ABTB3: variants seen among roughly 807,000 people sequenced by gnomAD.
ABTB3 encodes the protein ankyrin repeat and BTB domain containing 3, also known as ankyrin repeat- and BTB/POZ domain-containing protein 3.
chr12:107,393,018 G>A, the ABTB3 span, among the ~76,000 whole-genome samples: 1 of 152,122 alleles, frequency 6.6e-6, no homozygotes, highest in African/African-American at 2.4e-5. Flanking sequence ...AACCATCACT[G>A]GTGAGGTGAA....
the ABTB3 span, among the ~76,000 whole-genome samples, chr12:107,648,040 T>G: frequency 6.6e-6 from 1 of 152,124 alleles, no homozygotes; most frequent in East Asian, 1.9e-4. Flanking sequence ...CCCACACAGC[T>G]GCCTTAGAGC....
chr12:107,441,707 G>A, the ABTB3 span, among the ~76,000 whole-genome samples: 686 of 149,236 alleles, frequency 4.6e-3, 3 homozygotes, highest in African/African-American at 9.9e-3. Context: ...GGATACCAAG[G>A]TAGGAGGATC....
the ABTB3 span, among the ~76,000 whole-genome samples, chr12:107,336,498 C>A: frequency 6.6e-6 from 1 of 152,150 alleles, no homozygotes; most frequent in African/African-American, 2.4e-5. Flanking sequence ...AGCATGGTAA[C>A]CTCATAGGAG....
the ABTB3 span, among the ~76,000 whole-genome samples, chr12:107,557,914 C>A: frequency 1.3e-5 from 2 of 152,164 alleles, no homozygotes; most frequent in African/African-American, 4.8e-5. Context: ...CAGCCCTTTG[C>A]CAGGGAGGGG....
At chr12:107,420,729 C>G in the ABTB3 span, among the ~76,000 whole-genome samples, 1 of 152,184 alleles carries the variant, frequency 6.6e-6, no homozygotes, top group African/African-American at 2.4e-5. Context: ...ATCACAAGCT[C>G]ATCACTGCCT....
At chr12:107,477,617 T>A in the ABTB3 span, among the ~76,000 whole-genome samples, 1 of 152,328 alleles carries the variant, frequency 6.6e-6, no homozygotes, top group African/African-American at 2.4e-5. Flanking sequence ...TTTTATTTTA[T>A]GCTAGTTTAT....
the ABTB3 span, among the ~76,000 whole-genome samples, chr12:107,407,222 G>T: frequency 1.3e-5 from 2 of 152,208 alleles, no homozygotes; most frequent in African/African-American, 4.8e-5. Context: ...AGGCTTCAAT[G>T]TAATAATGCA....
chr12:107,358,235 G>T, the ABTB3 span, among the ~76,000 whole-genome samples: 1 of 152,178 alleles, frequency 6.6e-6, no homozygotes, highest in African/African-American at 2.4e-5. Flanking sequence ...ATGAACCAGG[G>T]AATGAGGATA....
At chr12:107,657,889 G>T in the ABTB3 span, 5 of 664,552 alleles carry the variant, frequency 7.5e-6, no homozygotes, top group Non-Finnish European at 1.3e-5. Flanking sequence ...CCACTGGTCT[G>T]CAGATCAGAT....
At chr12:107,571,427 C>A in the ABTB3 span, among the ~76,000 whole-genome samples, 1 of 152,212 alleles carries the variant, frequency 6.6e-6, no homozygotes, top group Non-Finnish European at 1.5e-5. Flanking sequence ...CTGCCTTTTG[C>A]TACTTTTTAT....
At chr12:107,449,580 TC>T in the ABTB3 span, among the ~76,000 whole-genome samples, 1 of 152,222 alleles carries the variant, frequency 6.6e-6, no homozygotes, top group Non-Finnish European at 1.5e-5. Flanking sequence ...TTACAGACTG[TC>T]TGAGTACCCT....
chr12:107,618,734 G>A, the ABTB3 span, among the ~76,000 whole-genome samples: 12 of 152,204 alleles, frequency 7.9e-5, no homozygotes, highest in African/African-American at 2.9e-4. Flanking sequence ...CTCTGCTGTC[G>A]AGGGTCTGGA....
the ABTB3 span, among the ~76,000 whole-genome samples, chr12:107,611,861 G>T: frequency 6.6e-6 from 1 of 152,116 alleles, no homozygotes; most frequent in African/African-American, 2.4e-5. Context: ...TTACATATTA[G>T]GCACATAATC....
chr12:107,516,046 T>C, the ABTB3 span, among the ~76,000 whole-genome samples: 1 of 126,594 alleles, frequency 7.9e-6, no homozygotes, highest in East Asian at 2.3e-4. Flanking sequence ...TGTGTGTGTG[T>C]GTGTGTGTGC....
the ABTB3 span, among the ~76,000 whole-genome samples, chr12:107,398,834 G>A: frequency 1.3e-5 from 2 of 152,172 alleles, no homozygotes; most frequent in Admixed American, 1.3e-4. Context: ...GTTTGGCTTA[G>A]CAATACCTTC....
At chr12:107,323,689 C>G in the ABTB3 span, among the ~76,000 whole-genome samples, 4 of 152,180 alleles carry the variant, frequency 2.6e-5, no homozygotes, top group African/African-American at 9.7e-5. Context: ...TTAGAGCTGG[C>G]CAGTTCCTAC....
At chr12:107,564,076 C>A in the ABTB3 span, among the ~76,000 whole-genome samples, 8 of 147,326 alleles carry the variant, frequency 5.4e-5, no homozygotes, top group Admixed American at 1.4e-4. Flanking sequence ...CTCTCTCTCT[C>A]TCTATCTATC....
At chr12:107,339,192 C>G in the ABTB3 span, among the ~76,000 whole-genome samples, 101 of 152,290 alleles carry the variant, frequency 6.6e-4, no homozygotes, top group African/African-American at 2.4e-3. Context: ...TGCACCTTTC[C>G]CATAGTGGGC....
the ABTB3 span, among the ~76,000 whole-genome samples, chr12:107,323,552 C>G: frequency 3.9e-5 from 6 of 152,182 alleles, no homozygotes; most frequent in South Asian, 4.1e-4. Context: ...GCCGGGGAAA[C>G]AGCTAAGGGA....
Sources: gnomAD v4.1 joint callset for allele counts (sites outside exome capture counted in the v4.1 genomes callset) on GRCh38, gnomAD v4.1.1 for gene constraint, MANE v1.5 for transcripts, NCBI Gene and HGNC (gene_info 2026-07-23, HGNC 2026-07-21) for gene names.